The following UBL3 variants were observed in gnomAD, a reference collection of about 807,000 sequenced individuals.
UBL3 encodes the protein ubiquitin like 3, also known as ubiquitin-like protein 3.
Under a neutral mutation model 18.4 loss-of-function variants are expected in UBL3, and 6 were observed. The ratio of observed to expected loss-of-function variants is 0.33; its 90% CI spans 0.18 to 0.64. The LOEUF (loss-of-function observed/expected upper bound fraction) is 0.64. Ranked by LOEUF, UBL3 falls within the 30% of genes least tolerant of loss-of-function variation. The probability of loss-of-function intolerance (pLI) is 0.76; values close to 1 mark genes in which losing one functional copy is unlikely to be tolerated. For synonymous variants in UBL3, 49 were observed against 46.6 expected (o/e 1.05, Z -0.21); for missense variants, 109 against 142.9 (o/e 0.76, Z 1.21).
Position 29,792,451 on chromosome 13 carries a change from G to A in UBL3, c.28-15188C>T, listed in dbSNP as rs541250414. ...TAAATCATCCTATTCTTTACAGTAT[G>A]TTGTCAGTTAACTTATTATTCAAAA... On this transcript the variant is annotated intron_variant, in intron 1 of 4. Transcript: ENST00000380680. 4.2e-4 allele frequency among the ~76,000 whole-genome samples: 64 copies of A among 152,286 alleles called. No homozygotes were observed. In the East Asian group the frequency reaches 8.7e-3, roughly 21 times the overall value.
At chr13:29,787,282 G>A (rs534659932) in intron 1 of UBL3, among the ~76,000 whole-genome samples, 2 of 152,066 alleles carry the variant, frequency 1.3e-5, no homozygotes, top group African/African-American at 2.4e-5. Context: ...TGCCCAGCAC[G>A]TAAGTCCCTA....
intron 1 of UBL3, among the ~76,000 whole-genome samples, chr13:29,847,227 TAACCAGTTG>T (rs1879250160): frequency 6.6e-6 from 1 of 152,196 alleles, no homozygotes; most frequent in African/African-American, 2.4e-5. Flanking sequence ...TCTTAACCTC[TAACCAGTTG>T]AACAGTAGAA....
chr13:29,804,770 G>A (rs932926817), intron 1 of UBL3, among the ~76,000 whole-genome samples: 5 of 152,180 alleles, frequency 3.3e-5, no homozygotes, highest in Admixed American at 2.0e-4. Flanking sequence ...TAACAGAACA[G>A]ATGTTATTTC....
intron 1 of UBL3, among the ~76,000 whole-genome samples, chr13:29,789,382 G>T (rs1423672028): frequency 1.3e-5 from 2 of 152,120 alleles, no homozygotes; most frequent in East Asian, 3.8e-4. Flanking sequence ...AAATATAAAA[G>T]AAAATTTCAA....
intron 1 of UBL3, among the ~76,000 whole-genome samples, chr13:29,827,225 A>G (rs2139355173): frequency 6.6e-6 from 1 of 152,310 alleles, no homozygotes; most frequent in South Asian, 2.1e-4. Flanking sequence ...GCTGAGTTCA[A>G]TTCCTGGATA....
chr13:29,773,066 C>T (rs1360464169), intron 2 of UBL3, among the ~76,000 whole-genome samples: 1 of 152,084 alleles, frequency 6.6e-6, no homozygotes, highest in African/African-American at 2.4e-5. Context: ...ATTCCTTTGT[C>T]TTTTTTGTCA....
At chr13:29,819,312 C>G (rs1206943959) in intron 1 of UBL3, among the ~76,000 whole-genome samples, 1 of 152,196 alleles carries the variant, frequency 6.6e-6, no homozygotes, top group African/African-American at 2.4e-5. Context: ...AAGCGTAAAA[C>G]GAAAGGCAAA....
intron 1 of UBL3, among the ~76,000 whole-genome samples, chr13:29,788,900 CGT>C (rs879286946): frequency 0.27 from 10,207 of 37,900 alleles, 365 homozygotes; most frequent in Non-Finnish European, 0.37. Flanking sequence ...CACGTGTGTG[CGT>C]GTGTGTGTGT....
chr13:29,785,447 ACAT>A (rs1424008027), intron 1 of UBL3, among the ~76,000 whole-genome samples: 1 of 152,244 alleles, frequency 6.6e-6, no homozygotes, highest in Non-Finnish European at 1.5e-5. Flanking sequence ...TTAAAAAATA[ACAT>A]CATATTAAAA....
intron 1 of UBL3, among the ~76,000 whole-genome samples, chr13:29,848,970 T>C (rs1057279203): frequency 2.0e-5 from 3 of 152,210 alleles, no homozygotes; most frequent in African/African-American, 7.2e-5. Context: ...CCAAAATATC[T>C]TTATATTTCT....
chr13:29,826,168 G>A (rs528134921), intron 1 of UBL3, among the ~76,000 whole-genome samples: 1 of 152,170 alleles, frequency 6.6e-6, no homozygotes, highest in Non-Finnish European at 1.5e-5. Flanking sequence ...CTTTTTTGTT[G>A]TGTACTCTGC....
intron 4 of UBL3, 85 bp from the exon 5 acceptor site, chr13:29,767,392 G>A (rs1239023061): frequency 8.1e-6 from 12 of 1,482,006 alleles, no homozygotes; most frequent in East Asian, 4.5e-5. Context: ...GTAGGAAGTA[G>A]TAGTTTTGAG....
intron 1 of UBL3, among the ~76,000 whole-genome samples, chr13:29,826,608 C>T (rs1451502466): frequency 6.6e-6 from 1 of 152,086 alleles, no homozygotes; most frequent in Non-Finnish European, 1.5e-5. Context: ...AGCAATCTCT[C>T]AATTTTGTTG....
chr13:29,775,843 T>C (rs1020338327), intron 2 of UBL3, among the ~76,000 whole-genome samples: 1 of 152,106 alleles, frequency 6.6e-6, no homozygotes, highest in Non-Finnish European at 1.5e-5. Flanking sequence ...CTTGAACTCC[T>C]TGACCTCAAG....
intron 1 of UBL3, among the ~76,000 whole-genome samples, chr13:29,839,743 C>T (rs537927364): frequency 5.9e-5 from 9 of 152,144 alleles, no homozygotes; most frequent in Admixed American, 1.3e-4. Context: ...CTGGCTAACA[C>T]GGTGAGACCC....
Position 29,849,621 on chromosome 13 carries a change from AACC to A in UBL3, c.-86_-84del. The A allele has an allele frequency of 6.4e-7, 1 of 1,564,096 alleles. No individual in the cohort carries two copies. Among genetic ancestry groups the A allele is most frequent in the Non-Finnish European group, 8.8e-7 (1 of 1,142,650 alleles). On this transcript the variant is annotated 5_prime_UTR_variant, in exon 1 of 5. Coordinates refer to ENST00000380680, the MANE Select transcript of UBL3 (RefSeq NM_007106.4). Reference sequence around the variant, plus strand: ...CAGAAGTCTTCACGTTACAGAAATAAACCACGATTTTGACTGGTTCGTGATGTG... The same window carrying A: ...CAGAAGTCTTCACGTTACAGAAATAAACGATTTTGACTGGTTCGTGATGTG...
intron 2 of UBL3, among the ~76,000 whole-genome samples, chr13:29,775,789 T>C (rs1876967615): frequency 6.6e-6 from 1 of 152,118 alleles, no homozygotes; most frequent in South Asian, 2.1e-4. Context: ...CTAAATTTTG[T>C]ATTTTTAGTA....
chr13:29,834,126 A>G (rs1878858958), intron 1 of UBL3, among the ~76,000 whole-genome samples: 1 of 150,970 alleles, frequency 6.6e-6, no homozygotes, highest in Non-Finnish European at 1.5e-5. Flanking sequence ...GCTTCCAGTG[A>G]GCTGAGATCG....
At chr13:29,814,869 A>T (rs1335975109) in intron 1 of UBL3, among the ~76,000 whole-genome samples, 1 of 152,188 alleles carries the variant, frequency 6.6e-6, no homozygotes, top group Non-Finnish European at 1.5e-5. Context: ...AAAATCATGC[A>T]ATAAGATCTA....
Sources: allele counts gnomAD v4.1 joint callset (sites outside exome capture counted in the v4.1 genomes callset), GRCh38; gene constraint gnomAD v4.1.1; transcripts MANE v1.5; gene names NCBI Gene and HGNC (gene_info 2026-07-23, HGNC 2026-07-21).